HACD1: variants seen among roughly 807,000 people sequenced by gnomAD.
The protein encoded by HACD1 is 3-hydroxyacyl-CoA dehydratase 1, also known as very-long-chain (3R)-3-hydroxyacyl-CoA dehydratase 1.
HACD1 carries 41 observed loss-of-function variants against 32.0 expected under a neutral mutation model. The observed-to-expected ratio is 1.28, with a 90% CI of 1.00 to 1.66. The LOEUF (loss-of-function observed/expected upper bound fraction) is 1.66, where lower values mean the gene tolerates loss of function less well. HACD1 is among the 40% of genes most tolerant of loss of function. The pLI is 0.00. For synonymous variants in HACD1, 142 were observed against 139.0 expected (o/e 1.02, Z -0.15); for missense variants, 396 against 380.1 (o/e 1.04, Z -0.35).
chr10:17,604,480 C>CAAAAAA (rs11354623), intron 1 of HACD1, among the ~76,000 whole-genome samples: 3 of 82,276 alleles, frequency 3.6e-5, no homozygotes, highest in African/African-American at 4.6e-5. Flanking sequence ...CTGTCCGTCT[C>CAAAAAA]AAAAAAAAAA....
At chr10:17,613,740 A>T (rs1833025844) in intron 1 of HACD1, among the ~76,000 whole-genome samples, 1 of 152,250 alleles carries the variant, frequency 6.6e-6, no homozygotes, top group Non-Finnish European at 1.5e-5. Context: ...GACAGAATGG[A>T]GAAAGCATTT....
chr10:17,595,531 TAAG>T (rs1196080590), intron 5 of HACD1, among the ~76,000 whole-genome samples: 2 of 152,104 alleles, frequency 1.3e-5, no homozygotes, highest in Non-Finnish European at 2.9e-5. Context: ...AAAGTAGAGT[TAAG>T]AAAGTTCTAC....
chr10:17,615,744 A>G, intron 1 of HACD1: 1 of 382,364 alleles, frequency 2.6e-6, no homozygotes, highest in South Asian at 1.8e-5. Flanking sequence ...AAGTGGGGGA[A>G]TCATTTGAGG....
intron 4 of HACD1, 147 bp from the exon 5 acceptor site, chr10:17,599,558 A>G (rs1834040969): frequency 7.9e-7 from 1 of 1,270,834 alleles, no homozygotes; most frequent in Admixed American, 3.2e-5. Context: ...TGCAGTCACC[A>G]TTAACATAAT....
At chr10:17,608,235 C>T (rs1211362777) in intron 1 of HACD1, among the ~76,000 whole-genome samples, 1 of 151,870 alleles carries the variant, frequency 6.6e-6, no homozygotes, top group Admixed American at 6.6e-5. Flanking sequence ...CCTATGTTGC[C>T]CAGGCTAATC....
chr10:17,603,067 T>C (rs892464326), intron 4 of HACD1: 1 of 152,362 alleles, frequency 6.6e-6, no homozygotes, highest in Admixed American at 6.5e-5. Flanking sequence ...TTTGTATTTT[T>C]AGTAGGAACA....
At position 17,605,957 on chromosome 10, in the gene HACD1, AAAAAG is replaced by A. The variant is rs1472866220; in HGVS notation, c.258-1915_258-1911del. Among the ~76,000 whole-genome samples, 8 of 152,204 alleles carry A rather than the reference AAAAAG, an allele frequency of 5.3e-5. No homozygotes were observed. The East Asian group carries it at 1.4e-3, about 26-fold the overall frequency. On this transcript the variant is annotated intron_variant, in intron 1 of 6. Coordinates refer to ENST00000361271, the MANE Select transcript of HACD1 (RefSeq NM_014241.4). The stretch of plus-strand genomic sequence containing the variant: ...TGACAGAGTGAGACTCTGTCTCAAA[AAAAAG>A]AAAAGAAAAGAAAAAAACAGCCTGG...
Position 17,590,585 on chromosome 10 carries a change from G to T in HACD1, c.785-139C>A, listed in dbSNP as rs74822890. The stretch of plus-strand genomic sequence containing the variant: ...TTCCCTGGATATTTACAGAGCTCAA[G>T]ACTATAAGAGTGCAAATGGAAGCCC... On this transcript the variant is annotated intron_variant, in intron 6 of 6. Coordinates refer to ENST00000361271, the MANE Select transcript of HACD1 (RefSeq NM_014241.4). 341 of 533,738 alleles carry T rather than the reference G, an allele frequency of 6.4e-4. 5 individuals are homozygous for T. The East Asian group carries it at 8.2e-3, about 13-fold the overall frequency. 33.1% of individuals were successfully genotyped at this position (533,738 alleles called of 1,614,324 possible).
At chr10:17,599,197 T>C in intron 5 of HACD1, 93 bp downstream of exon 5, 1 of 1,540,406 alleles carries the variant, frequency 6.5e-7, no homozygotes, top group South Asian at 1.3e-5. Context: ...TCTGGCATCG[T>C]GGGGCTGAAA....
chr10:17,611,044 A>G (rs1297164050), intron 1 of HACD1, among the ~76,000 whole-genome samples: 9 of 129,950 alleles, frequency 6.9e-5, no homozygotes, highest in Admixed American at 1.9e-4. Context: ...TCTGTTGCCC[A>G]GGCTGGAGTG....
rs1833901139 is a variant in HACD1 at position 17,589,325 on chromosome 10, C to A, written c.*1039G>T. ...AGAGACAGGGTCTTGCTCTGTCACC[C>A]AGGCTTAAGTACAGTGGTACCATCA... On this transcript the variant is annotated 3_prime_UTR_variant, in exon 7 of 7. Transcript: ENST00000361271. 1 of 152,264 alleles carries A rather than the reference C, an allele frequency of 6.6e-6. No individual in the cohort carries two copies. The highest frequency in any genetic ancestry group is 2.4e-5 in the African/African-American group (1 of 41,426). The allele number at this position is 152,264 out of a possible 1,614,324, so 9.4% of individuals were successfully genotyped here.
At chr10:17,614,883 G>C (rs1430067472) in intron 1 of HACD1, among the ~76,000 whole-genome samples, 1 of 152,030 alleles carries the variant, frequency 6.6e-6, no homozygotes, top group Admixed American at 6.6e-5. Context: ...CTCCGGAGTA[G>C]CTGGGACTAT....
At chr10:17,597,713 G>T (rs1554816114) in intron 5 of HACD1, among the ~76,000 whole-genome samples, 1 of 151,684 alleles carries the variant, frequency 6.6e-6, no homozygotes, top group African/African-American at 2.4e-5. Context: ...AAATGATATT[G>T]ATGTGTTCTA....
chr10:17,615,845 T>C (rs1420980702), intron 1 of HACD1: 4 of 431,256 alleles, frequency 9.3e-6, no homozygotes, highest in Non-Finnish European at 1.4e-5. Context: ...CCCACGCTTG[T>C]AGTCCCAGCT....
intron 1 of HACD1, among the ~76,000 whole-genome samples, chr10:17,606,678 C>G (rs1730204792): frequency 6.6e-6 from 1 of 152,158 alleles, no homozygotes; most frequent in Non-Finnish European, 1.5e-5. Flanking sequence ...AATGACACTT[C>G]TATTCTTAGA....
chr10:17,602,292 A>C (rs1554816618), intron 4 of HACD1, among the ~76,000 whole-genome samples: 2 of 151,796 alleles, frequency 1.3e-5, no homozygotes, highest in Non-Finnish European at 2.9e-5. Flanking sequence ...CTGGTCGCGA[A>C]CTCCTGACCC....
intron 1 of HACD1, among the ~76,000 whole-genome samples, chr10:17,604,408 T>C (rs1222745439): frequency 1.4e-5 from 2 of 142,890 alleles, no homozygotes; most frequent in African/African-American, 5.3e-5. Flanking sequence ...GGTGTGAACC[T>C]GGGAGGCGGA....
chr10:17,610,371 A>G (rs1267751889), intron 1 of HACD1, among the ~76,000 whole-genome samples: 3 of 152,240 alleles, frequency 2.0e-5, no homozygotes, highest in Non-Finnish European at 4.4e-5. Flanking sequence ...ATTTTAGGCC[A>G]GGCGCAGTGG....
chr10:17,598,259 CAAAAAA>C (rs34543137), intron 5 of HACD1, among the ~76,000 whole-genome samples: 1 of 89,850 alleles, frequency 1.1e-5, no homozygotes. Flanking sequence ...GACCCTGTCT[CAAAAAA>C]AAAAAAAAAA....
Sources: gnomAD v4.1 joint callset for allele counts (sites outside exome capture counted in the v4.1 genomes callset) on GRCh38, gnomAD v4.1.1 for gene constraint, MANE v1.5 for transcripts, NCBI Gene and HGNC (gene_info 2026-07-23, HGNC 2026-07-21) for gene names.